Variants in CSMD1 observed in about 807,000 individuals in gnomAD.
CSMD1 encodes the protein CUB and Sushi multiple domains 1.
Under a neutral mutation model 417.5 loss-of-function variants are expected in CSMD1, and 213 were observed. The observed-to-expected ratio is 0.51, with a 90% CI of 0.46 to 0.57. The LOEUF (loss-of-function observed/expected upper bound fraction) is 0.57. CSMD1 is among the 20% of genes least tolerant of loss of function. CSMD1 has a pLI of 0.00. For synonymous variants in CSMD1, 2,862 were observed against 1,736.8 expected (o/e 1.65, Z -16.11); for missense variants, 6,923 against 4,529.7 (o/e 1.53, Z -15.17).
intron 26 of CSMD1, among the ~76,000 whole-genome samples, chr8:3,243,365 A>C (rs1364741471): frequency 1.3e-5 from 2 of 152,108 alleles, no homozygotes; most frequent in Admixed American, 6.6e-5. Flanking sequence ...GCTTTGTGTG[A>C]GCAATAAAGC....
intron 4 of CSMD1, among the ~76,000 whole-genome samples, chr8:4,016,146 G>A (rs961845780): frequency 2.0e-5 from 3 of 152,170 alleles, no homozygotes; most frequent in Admixed American, 6.6e-5. Flanking sequence ...ATTTTAGATA[G>A]GATTGCATAA....
At chr8:4,446,990 G>C (rs1356794204) in intron 2 of CSMD1, among the ~76,000 whole-genome samples, 3 of 151,848 alleles carry the variant, frequency 2.0e-5, no homozygotes, top group Non-Finnish European at 2.9e-5. Flanking sequence ...ACTGGGTGGA[G>C]TGGTAAGAAA....
chr8:4,208,034 G>A (rs1237971399), intron 3 of CSMD1, among the ~76,000 whole-genome samples: 1 of 152,134 alleles, frequency 6.6e-6, no homozygotes, highest in Admixed American at 6.5e-5. Context: ...AGGAGAATAT[G>A]TAAATATATG....
At chr8:3,345,499 C>T (rs1347210826) in intron 22 of CSMD1, among the ~76,000 whole-genome samples, 1 of 152,068 alleles carries the variant, frequency 6.6e-6, no homozygotes, top group African/African-American at 2.4e-5. Flanking sequence ...CAAATAAAAA[C>T]CCAGATAGGA....
At chr8:4,760,514 A>C (rs889940418) in intron 1 of CSMD1, among the ~76,000 whole-genome samples, 106 of 152,286 alleles carry the variant, frequency 7.0e-4, no homozygotes, top group African/African-American at 2.5e-3. Flanking sequence ...AATCAATAGA[A>C]AGCTTTTAAA....
At position 3,910,129 on chromosome 8, in the gene CSMD1, G is replaced by A. The variant is rs568185562; in HGVS notation, c.818+87774C>T. Among the ~76,000 whole-genome samples, 20 of 152,320 alleles carry A rather than the reference G, an allele frequency of 1.3e-4. No individual in the cohort carries two copies. In the South Asian group the frequency reaches 4.2e-3, roughly 32 times the overall value. On this transcript the variant is annotated intron_variant, in intron 5 of 69. Coordinates refer to ENST00000635120, the MANE Select transcript of CSMD1 (RefSeq NM_033225.6). Reference sequence around the variant, plus strand: ...AACATCAACTGTGGATAATAACAGTGTGTGAGCTTTTCTTACAACTTATGT... The same window carrying A: ...AACATCAACTGTGGATAATAACAGTATGTGAGCTTTTCTTACAACTTATGT...
intron 5 of CSMD1, among the ~76,000 whole-genome samples, chr8:3,837,629 T>A (rs143865541): frequency 3.8e-4 from 58 of 152,256 alleles, no homozygotes; most frequent in African/African-American, 1.3e-3. Flanking sequence ...TTTGTGGAAT[T>A]TTCTGCGGAT....
chr8:4,749,457 G>A (rs1361068393), intron 1 of CSMD1, among the ~76,000 whole-genome samples: 1 of 152,162 alleles, frequency 6.6e-6, no homozygotes, highest in African/African-American at 2.4e-5. Flanking sequence ...ATAAGGTTAA[G>A]ACCCTTCTTG....
chr8:4,000,878 C>A (rs1392393126), intron 4 of CSMD1, among the ~76,000 whole-genome samples: 1 of 151,726 alleles, frequency 6.6e-6, no homozygotes, highest in Non-Finnish European at 1.5e-5. Context: ...GATAAAATAT[C>A]ATAGATGTGT....
chr8:4,560,465 GTA>G (rs1798281361), intron 2 of CSMD1, among the ~76,000 whole-genome samples: 1 of 152,122 alleles, frequency 6.6e-6, no homozygotes, highest in Non-Finnish European at 1.5e-5. Context: ...ATAACCAAAT[GTA>G]TTTTAGTAAC....
In CSMD1 at chr8:3,408,101, G is replaced by C. The variant is rs1168570552; in HGVS notation, c.1869C>G (p.His623Gln). The C allele has an allele frequency of 1.9e-6, 3 of 1,613,802 alleles. No individual in the cohort carries two copies. The highest frequency in any genetic ancestry group is 1.7e-6 in the Non-Finnish European group (2 of 1,179,840). ...LIISEPGSRI[H>Q]LIFNDFDVEP... is the part of the protein sequence containing the mutation. Reference sequence around the variant, plus strand: ...CAACATCAAAATCATTAAAGATTAGGTGAATTCGACTTCCTGGCTCCGAGA... The same window carrying C: ...CAACATCAAAATCATTAAAGATTAGCTGAATTCGACTTCCTGGCTCCGAGA... Residue 623 changes from histidine to glutamine, a missense_variant, in exon 14 of 70, where the codon CAC (histidine) becomes CAG (glutamine). Transcript: ENST00000635120.
At chr8:4,691,870 C>A (rs554570583) in intron 1 of CSMD1, among the ~76,000 whole-genome samples, 2 of 152,232 alleles carry the variant, frequency 1.3e-5, no homozygotes, top group Non-Finnish European at 2.9e-5. Flanking sequence ...CTCAAACACA[C>A]TCCTGTGATT....
At chr8:3,653,462 C>T (rs1360922991) in intron 7 of CSMD1, among the ~76,000 whole-genome samples, 1 of 152,130 alleles carries the variant, frequency 6.6e-6, no homozygotes, top group Admixed American at 6.6e-5. Context: ...GTGCCCAACA[C>T]CACACCCGGC....
At chr8:4,071,392 C>G (rs1185178878) in intron 3 of CSMD1, among the ~76,000 whole-genome samples, 2 of 140,236 alleles carry the variant, frequency 1.4e-5, no homozygotes, top group Non-Finnish European at 3.1e-5. Flanking sequence ...TCCAAGTAAA[C>G]CTACTTTAAA....
intron 1 of CSMD1, among the ~76,000 whole-genome samples, chr8:4,822,196 A>C (rs1308971153): frequency 6.6e-6 from 1 of 152,136 alleles, no homozygotes; most frequent in African/African-American, 2.4e-5. Context: ...AAGTAAAATA[A>C]AATTGTGTGT....
intron 26 of CSMD1, among the ~76,000 whole-genome samples, chr8:3,242,084 A>T (rs71502918): frequency 0.75 from 97,677 of 130,234 alleles, 37,509 homozygotes; most frequent in Non-Finnish European, 0.83. Flanking sequence ...ACACTATCTG[A>T]TTTGGGATAA....
At chr8:3,733,720 C>T (rs923710488) in intron 6 of CSMD1, among the ~76,000 whole-genome samples, 3 of 152,100 alleles carry the variant, frequency 2.0e-5, no homozygotes, top group African/African-American at 7.2e-5. Flanking sequence ...GATGGACGCC[C>T]ATGGGGTTGT....
At chr8:3,055,026 G>A (rs867463600) in intron 49 of CSMD1, among the ~76,000 whole-genome samples, 3 of 152,128 alleles carry the variant, frequency 2.0e-5, no homozygotes, top group East Asian at 1.9e-4. Flanking sequence ...GTTCATGATC[G>A]CAAGCCTTAA....
intron 26 of CSMD1, among the ~76,000 whole-genome samples, chr8:3,251,005 T>C (rs922234492): frequency 6.6e-5 from 10 of 152,144 alleles, no homozygotes; most frequent in Non-Finnish European, 1.3e-4. Flanking sequence ...TTCTCCCATT[T>C]TGTAGGTTGC....
Sources: allele counts gnomAD v4.1 joint callset (sites outside exome capture counted in the v4.1 genomes callset), GRCh38; gene constraint gnomAD v4.1.1; transcripts MANE v1.5; gene names NCBI Gene and HGNC (gene_info 2026-07-23, HGNC 2026-07-21).